The following PLXNA4 variants were observed in gnomAD, a reference collection of about 807,000 sequenced individuals.
PLXNA4 encodes plexin-A4.
A neutral mutation model predicts 191.8 loss-of-function variants in PLXNA4; 44 were observed. That is an observed-to-expected ratio of 0.23 (90% CI 0.18 to 0.29). The LOEUF (loss-of-function observed/expected upper bound fraction) is 0.29, where lower values mean the gene tolerates loss of function less well. Among genes scored for constraint, PLXNA4 ranks in the 10% least tolerant of loss-of-function variants. The pLI is 1.00. For synonymous variants in PLXNA4, 1,082 were observed against 1,009.5 expected (o/e 1.07, Z -1.36); for missense variants, 1,800 against 2,488.8 (o/e 0.72, Z 5.89).
intron 21 of PLXNA4, among the ~76,000 whole-genome samples, chr7:132,170,406 A>G (rs10954365): frequency 0.36 from 54,071 of 152,050 alleles, 11,239 homozygotes; most frequent in African/African-American, 0.57. Flanking sequence ...ACCATGATGT[A>G]AACTGAAAGG....
rs755826813 is a variant in PLXNA4 at position 132,179,843 on chromosome 7, C to T, written c.3718G>A (p.Val1240Ile). 3.3e-5 allele frequency: 53 copies of T among 1,613,394 alleles called. No homozygotes were observed. The highest frequency in any genetic ancestry group is 4.1e-5 in the Non-Finnish European group (48 of 1,179,970). ...PDSPLSLPAI[V>I]SIAVAGGLLI... ...AGGCCGCCAGCCACTGCGATGCTGACGATGGCGGGCAGGCTGAGCGGGCTG... is the reference window on the plus strand; with the variant it reads ...AGGCCGCCAGCCACTGCGATGCTGATGATGGCGGGCAGGCTGAGCGGGCTG... Residue 1240 changes from valine (V) to isoleucine (I), a missense_variant, in exon 20 of 32, where the codon GTC becomes ATC. This residue lies in a region of PLXNA4 where 1,397 missense variants were observed against 1,880.4 expected (regional missense o/e 0.74). Coordinates refer to ENST00000321063, the MANE Select transcript of PLXNA4 (RefSeq NM_020911.2).
At chr7:132,169,238 C>T (rs1796213217) in intron 21 of PLXNA4, among the ~76,000 whole-genome samples, 3 of 152,230 alleles carry the variant, frequency 2.0e-5, no homozygotes, top group Admixed American at 6.5e-5. Context: ...CTCTAAGACC[C>T]TGCTCTATGC....
At chr7:132,489,829 G>T (rs1408972827) in intron 2 of PLXNA4, among the ~76,000 whole-genome samples, 1 of 152,194 alleles carries the variant, frequency 6.6e-6, no homozygotes, top group East Asian at 1.9e-4. Flanking sequence ...AAAGCCCTGG[G>T]TCAGCCCAGA....
In PLXNA4 at chr7:132,124,508, G is replaced by A. The variant is rs181828214; in HGVS notation, c.*5971C>T. The A allele has an allele frequency of 2.0e-5, 3 of 152,324 alleles. No homozygotes were observed. The highest frequency in any genetic ancestry group is 6.5e-5 in the Admixed American group (1 of 15,304). The allele number at this position is 152,324 out of a possible 1,614,324, so 9.4% of individuals were successfully genotyped here. ...GGGAGCCCTTCCAAAATGTGCTTGA[G>A]TCAAAAGATCAAAGATACTAACAAA... On this transcript the variant is annotated 3_prime_UTR_variant, in exon 32 of 32. Transcript: ENST00000321063.
At chr7:132,562,074 TCCTCCTCCTCTC>T (rs1443497759) in intron 1 of PLXNA4, among the ~76,000 whole-genome samples, 3 of 106,004 alleles carry the variant, frequency 2.8e-5, no homozygotes, top group East Asian at 3.2e-4. Flanking sequence ...CTCCTCCTCT[TCCTCCTCCTCTC>T]CCTCCTCCTT....
rs57733965 is a variant in PLXNA4 at position 132,127,991 on chromosome 7, CAAAAAAAA to C, written c.*2480_*2487del. On this transcript the variant is annotated 3_prime_UTR_variant, in exon 32 of 32. Transcript: ENST00000321063. ...TGTTTGATTTTTTCTCTTAACTGTG[CAAAAAAAA>C]AAAAAAAAAATCAAAATGCACTCAC... 1.8e-5 allele frequency: 2 copies of C among 108,548 alleles called. No individual in the cohort carries two copies. Among genetic ancestry groups the C allele is most frequent in the African/African-American group, 7.3e-5 (2 of 27,468 alleles). The allele number at this position is 108,548 out of a possible 1,614,324, so 6.7% of individuals were successfully genotyped here.
At chr7:132,234,620 GTGTGTGTGTA>G (rs1798636868) in intron 5 of PLXNA4, among the ~76,000 whole-genome samples, 1 of 151,610 alleles carries the variant, frequency 6.6e-6, no homozygotes, top group Middle Eastern at 3.2e-3. Flanking sequence ...GTGTGTGTGT[GTGTGTGTGTA>G]TGTGTATTGG....
At chr7:132,552,720 C>A (rs527927144) in intron 1 of PLXNA4, among the ~76,000 whole-genome samples, 39 of 152,274 alleles carry the variant, frequency 2.6e-4, no homozygotes, top group African/African-American at 7.5e-4. Flanking sequence ...CCCCTTTGGG[C>A]CACAAAACAC....
In PLXNA4 at chr7:132,513,457, G is replaced by A. The variant is rs150151160; in HGVS notation, c.-86-4678C>T. On this transcript the variant is annotated intron_variant, in intron 1 of 31. Transcript: ENST00000321063. ...CTTGGCTAAGGTCACACATAGTCACGTTGGGCATTGGAGAGCTGAGCTCTT... is the reference window on the plus strand; with the variant it reads ...CTTGGCTAAGGTCACACATAGTCACATTGGGCATTGGAGAGCTGAGCTCTT... 8.5e-5 allele frequency among the ~76,000 whole-genome samples: 13 copies of A among 152,266 alleles called. No homozygotes were observed. In the East Asian group the frequency reaches 1.9e-3, roughly 23 times the overall value.
At chr7:132,639,108 A>G (rs1803666836) in intron 2 of PLXNA4, among the ~76,000 whole-genome samples, 1 of 152,190 alleles carries the variant, frequency 6.6e-6, no homozygotes, top group Non-Finnish European at 1.5e-5. Context: ...TGGACTGAGA[A>G]CACCCATCAC....
At chr7:132,606,288 C>T (rs1023613857) in intron 2 of PLXNA4, among the ~76,000 whole-genome samples, 1 of 152,302 alleles carries the variant, frequency 6.6e-6, no homozygotes, top group Middle Eastern at 3.4e-3. Flanking sequence ...TTTAGAATTC[C>T]AGCCTTCAGA....
At chr7:132,612,338 C>G (rs1254329934) in intron 2 of PLXNA4, among the ~76,000 whole-genome samples, 3 of 152,120 alleles carry the variant, frequency 2.0e-5, no homozygotes, top group African/African-American at 7.2e-5. Flanking sequence ...GTCTCTGTCA[C>G]AGATTCAACT....
chr7:132,245,440 T>C (rs2117054685), intron 4 of PLXNA4, among the ~76,000 whole-genome samples: 1 of 152,298 alleles, frequency 6.6e-6, no homozygotes, highest in South Asian at 2.1e-4. Flanking sequence ...GGGAGAAGGA[T>C]TGTGTGCAGG....
chr7:132,257,427 G>A (rs150608669), intron 4 of PLXNA4, among the ~76,000 whole-genome samples: 2 of 152,282 alleles, frequency 1.3e-5, no homozygotes, highest in East Asian at 1.9e-4. Context: ...CTAGACAATC[G>A]CTCAGTGTGG....
chr7:132,140,493 C>A, intron 30 of PLXNA4, 106 bp downstream of exon 30: 1 of 1,468,166 alleles, frequency 6.8e-7, no homozygotes, highest in Non-Finnish European at 9.1e-7. Flanking sequence ...TTGTGAATGA[C>A]TCATCTGGAA....
At chr7:132,190,479 G>A (rs1797050585) in intron 14 of PLXNA4, among the ~76,000 whole-genome samples, 1 of 152,216 alleles carries the variant, frequency 6.6e-6, no homozygotes, top group Non-Finnish European at 1.5e-5. Flanking sequence ...GAATTACCCA[G>A]GATCTGTAGC....
At chr7:132,470,983 A>C (rs558441678) in intron 3 of PLXNA4, among the ~76,000 whole-genome samples, 53 of 152,154 alleles carry the variant, frequency 3.5e-4, no homozygotes, top group Non-Finnish European at 7.2e-4. Context: ...CTCAAGTTGA[A>C]TTGTAATCCT....
At position 132,489,284 on chromosome 7, in the gene PLXNA4, A is replaced by G. The variant is rs766708627; in HGVS notation, c.1371+8T>C. 3.6e-5 allele frequency: 57 copies of G among 1,580,076 alleles called. No individual in the cohort carries two copies. The South Asian group carries it at 5.9e-4, about 16-fold the overall frequency. On this transcript the variant is annotated splice_region_variant and intron_variant, in intron 3 of 31. Transcript: ENST00000321063. ...ACAGTAACCAAAAGTACTGCACCTCATTCCTACCTTCTTCAGCTTGCCACT... is the reference window on the plus strand; with the variant it reads ...ACAGTAACCAAAAGTACTGCACCTCGTTCCTACCTTCTTCAGCTTGCCACT...
rs546386318 is a variant in PLXNA4 at position 132,373,691 on chromosome 7, A to T, written c.1372-75469T>A. Among the ~76,000 whole-genome samples the T allele has an allele frequency of 1.2e-4, 19 of 152,222 alleles. No individual in the cohort carries two copies. The East Asian group carries it at 3.7e-3, about 29-fold the overall frequency. On this transcript the variant is annotated intron_variant, in intron 3 of 31. Coordinates refer to ENST00000321063, the MANE Select transcript of PLXNA4 (RefSeq NM_020911.2). ...CAGCTCTTGGATGGTTTGGCTACTA[A>T]TTTTTGGCTTTTTAGCAGTGGCTTT...
Sources: allele counts gnomAD v4.1 joint callset (sites outside exome capture counted in the v4.1 genomes callset), GRCh38; gene constraint gnomAD v4.1.1; regional missense constraint gnomAD v4.1.1; transcripts MANE v1.5; gene names NCBI Gene and HGNC (gene_info 2026-07-23, HGNC 2026-07-21).